The following IDO2 variants were observed in gnomAD, a reference collection of about 807,000 sequenced individuals.
IDO2 encodes indoleamine 2,3-dioxygenase-like 1 protein.
Under a neutral mutation model 45.1 loss-of-function variants are expected in IDO2, and 46 were observed. That is an observed-to-expected ratio of 1.02 (90% confidence interval 0.80 to 1.30). IDO2 has a LOEUF of 1.30. Among genes scored for constraint, IDO2 ranks in the 50% most tolerant of loss-of-function variants. The pLI is 0.00. For missense variants in IDO2, 544 were observed against 491.8 expected (o/e 1.11, Z -1.00); for synonymous variants, 218 against 184.9 (o/e 1.18, Z -1.45).
At chr8:39,994,449 C>T (rs770605255) in intron 8 of IDO2, among the ~76,000 whole-genome samples, 9 of 151,898 alleles carry the variant, frequency 5.9e-5, no homozygotes, top group Non-Finnish European at 1.0e-4. Flanking sequence ...TAGAGACGGG[C>T]TTTCTCCATG....
At chr8:39,947,067 A>T (rs1400732616) in intron 1 of IDO2, among the ~76,000 whole-genome samples, 4 of 151,410 alleles carry the variant, frequency 2.6e-5, no homozygotes, top group Non-Finnish European at 5.9e-5. Flanking sequence ...GAGGCAGGAT[A>T]ATCGCTCGAA....
chr8:39,970,969 G>A (rs527797662), intron 3 of IDO2, among the ~76,000 whole-genome samples: 5 of 152,046 alleles, frequency 3.3e-5, no homozygotes, highest in African/African-American at 1.2e-4. Context: ...GTTTCACCAT[G>A]TTGGCCAAGA....
intron 1 of IDO2, among the ~76,000 whole-genome samples, chr8:39,939,728 A>G (rs1807615973): frequency 6.6e-6 from 1 of 150,460 alleles, no homozygotes; most frequent in South Asian, 2.1e-4. Context: ...CTGCAATGCC[A>G]GATGCCTGAA....
At chr8:39,980,606 C>A (rs1454354301) in intron 4 of IDO2, among the ~76,000 whole-genome samples, 1 of 152,056 alleles carries the variant, frequency 6.6e-6, no homozygotes, top group African/African-American at 2.4e-5. Context: ...CCTAGAACTC[C>A]ACGGTGAAGA....
At chr8:39,935,444 T>C (rs967143539) in intron 1 of IDO2, among the ~76,000 whole-genome samples, 2 of 152,148 alleles carry the variant, frequency 1.3e-5, no homozygotes, top group Non-Finnish European at 2.9e-5. Context: ...GTTGTTGTTG[T>C]TGTTGTTGTT....
intron 4 of IDO2, among the ~76,000 whole-genome samples, chr8:39,982,200 T>C (rs952075867): frequency 6.7e-6 from 1 of 149,090 alleles, no homozygotes; most frequent in African/African-American, 2.5e-5. Context: ...CTCTATCATC[T>C]ATCTATGTAT....
intron 8 of IDO2, among the ~76,000 whole-genome samples, chr8:39,990,130 G>A (rs1035604617): frequency 1.3e-5 from 2 of 152,170 alleles, no homozygotes; most frequent in African/African-American, 4.8e-5. Context: ...AGCTTGAGAG[G>A]AGGGGATGGG....
At chr8:39,937,392 T>C (rs1411596396) in intron 1 of IDO2, among the ~76,000 whole-genome samples, 1 of 152,216 alleles carries the variant, frequency 6.6e-6, no homozygotes, top group African/African-American at 2.4e-5. Context: ...TTTCATCAAT[T>C]AAAACTTTAT....
rs144203076 is a variant in IDO2 at position 40,006,456 on chromosome 8, G to A, written c.719+1078G>A. On this transcript the variant is annotated intron_variant, in intron 9 of 10. Coordinates refer to ENST00000502986, the Ensembl canonical transcript of IDO2. ...TCTTATGATATTTTCAACTTACATTGGGTTTATCAGGATGTAACCCACTGT... is the reference window on the plus strand; with the variant it reads ...TCTTATGATATTTTCAACTTACATTAGGTTTATCAGGATGTAACCCACTGT... Among the ~76,000 whole-genome samples the A allele has an allele frequency of 3.6e-3, 542 of 152,108 alleles. 7 individuals carry two copies. The highest frequency in any genetic ancestry group is 0.011 in the African/African-American group (468 of 41,506).
chr8:40,011,781 G>T (rs1802313891), intron 9 of IDO2, among the ~76,000 whole-genome samples: 1 of 152,240 alleles, frequency 6.6e-6, no homozygotes, highest in Admixed American at 6.5e-5. Flanking sequence ...GAGGCTCAGA[G>T]AGGTTAATGA....
intron 8 of IDO2, among the ~76,000 whole-genome samples, chr8:40,002,313 T>G (rs1247633960): frequency 6.6e-6 from 1 of 152,184 alleles, no homozygotes; most frequent in African/African-American, 2.4e-5. Flanking sequence ...CTCTCTGTTC[T>G]GTTTCATTAT....
At chr8:39,945,024 A>C (rs1807709146) in intron 1 of IDO2, among the ~76,000 whole-genome samples, 1 of 152,222 alleles carries the variant, frequency 6.6e-6, no homozygotes, top group South Asian at 2.1e-4. Context: ...GCTAATAATT[A>C]ATAGAGTGAA....
intron 8 of IDO2, among the ~76,000 whole-genome samples, chr8:39,999,373 G>C (rs528823291): frequency 6.7e-6 from 1 of 148,280 alleles, no homozygotes; most frequent in Non-Finnish European, 1.5e-5. Context: ...TCTGCCTCTC[G>C]GTTCAAGCGA....
At chr8:39,949,679 A>C (rs1272232447) in intron 2 of IDO2, among the ~76,000 whole-genome samples, 1 of 152,230 alleles carries the variant, frequency 6.6e-6, no homozygotes, top group Non-Finnish European at 1.5e-5. Flanking sequence ...TCTCTGTTAA[A>C]GATTTTCTCC....
intron 1 of IDO2, among the ~76,000 whole-genome samples, chr8:39,947,017 G>A (rs993880382): frequency 1.9e-4 from 29 of 151,758 alleles, no homozygotes; most frequent in Admixed American, 1.4e-3. Context: ...AAAAATTGGC[G>A]TGGTGGTGGG....
At chr8:39,960,871 C>G (rs1307137260) in intron 2 of IDO2, among the ~76,000 whole-genome samples, 1 of 152,180 alleles carries the variant, frequency 6.6e-6, no homozygotes, top group Non-Finnish European at 1.5e-5. Context: ...CAAGCTCCAC[C>G]TCCCGGGTTC....
intron 8 of IDO2, among the ~76,000 whole-genome samples, chr8:39,992,285 T>C (rs1338463039): frequency 1.3e-5 from 2 of 152,162 alleles, no homozygotes; most frequent in African/African-American, 4.8e-5. Flanking sequence ...AGGTAAAAAG[T>C]CCACCTACCC....
intron 8 of IDO2, chr8:39,998,252 G>C (rs1802079807): frequency 6.6e-6 from 1 of 152,240 alleles, no homozygotes; most frequent in African/African-American, 2.4e-5. Context: ...TTTCCCATTT[G>C]AGATATGGCA....
At chr8:39,996,531 C>T (rs1802049144) in intron 8 of IDO2, among the ~76,000 whole-genome samples, 2 of 152,070 alleles carry the variant, frequency 1.3e-5, no homozygotes, top group African/African-American at 4.8e-5. Context: ...TTTGGGGCCA[C>T]TACTGGTCTC....
Sources: allele counts gnomAD v4.1 joint callset (sites outside exome capture counted in the v4.1 genomes callset), GRCh38; gene constraint gnomAD v4.1.1; transcripts MANE v1.5; gene names NCBI Gene and HGNC (gene_info 2026-07-23, HGNC 2026-07-21).